Variants in SDK1 observed in about 807,000 individuals in gnomAD.
SDK1 encodes the protein sidekick cell adhesion molecule 1, also known as protein sidekick-1.
SDK1 carries 157 observed loss-of-function variants against 245.5 expected under a neutral mutation model. The observed-to-expected ratio is 0.64, with a 90% confidence interval of 0.56 to 0.73. The LOEUF is 0.73. SDK1 is among the 30% of genes least tolerant of loss of function. The probability of loss-of-function intolerance (pLI) is 0.00; values close to 1 mark genes in which losing one functional copy is unlikely to be tolerated. For synonymous variants in SDK1, 1,647 were observed against 1,278.5 expected (o/e 1.29, Z -6.15); for missense variants, 3,583 against 3,002.3 (o/e 1.19, Z -4.52).
chr7:4,034,619 G>C (rs761192501), intron 17 of SDK1, among the ~76,000 whole-genome samples: 1 of 152,182 alleles, frequency 6.6e-6, no homozygotes, highest in Non-Finnish European at 1.5e-5. Context: ...GGACAAGTTA[G>C]CAGTAACTAA....
intron 4 of SDK1, among the ~76,000 whole-genome samples, chr7:3,802,897 G>C (rs998107888): frequency 2.0e-5 from 3 of 152,134 alleles, no homozygotes; most frequent in African/African-American, 7.2e-5. Context: ...TTCATCCCAA[G>C]GTTTTGGTTG....
intron 1 of SDK1, among the ~76,000 whole-genome samples, chr7:3,549,625 C>T (rs11762705): frequency 0.023 from 3,521 of 152,256 alleles, 77 homozygotes; most frequent in Non-Finnish European, 0.036. Flanking sequence ...CAGGGCAGAG[C>T]ATGTTTTGTT....
intron 1 of SDK1, among the ~76,000 whole-genome samples, chr7:3,427,583 A>C (rs556363909): frequency 6.6e-6 from 1 of 152,046 alleles, no homozygotes; most frequent in South Asian, 2.1e-4. Context: ...AGTAGTTTGA[A>C]CAGTGCTTGT....
intron 1 of SDK1, among the ~76,000 whole-genome samples, chr7:3,411,546 A>G (rs1379290798): frequency 1.3e-5 from 2 of 152,150 alleles, no homozygotes; most frequent in African/African-American, 4.8e-5. Context: ...TGTCAGCTTA[A>G]TTAGAGATCA....
chr7:3,594,145 C>G (rs1468427500), intron 1 of SDK1, among the ~76,000 whole-genome samples: 1 of 152,170 alleles, frequency 6.6e-6, no homozygotes, highest in African/African-American at 2.4e-5. Flanking sequence ...CCCAGGTAAT[C>G]ACTCACCTAC....
chr7:4,086,729 T>C, intron 22 of SDK1, among the ~76,000 whole-genome samples: 1 of 152,288 alleles, frequency 6.6e-6, no homozygotes, highest in Admixed American at 6.5e-5. Flanking sequence ...TGTAAGGTTC[T>C]TACCCTTAAT....
Position 4,193,907 on chromosome 7 carries a change from AGAGTCCCT to A in SDK1, c.5099-11971_5099-11964del, listed in dbSNP as rs1279529050. 2.0e-5 allele frequency among the ~76,000 whole-genome samples: 3 copies of A among 152,198 alleles called. No homozygotes were observed. The East Asian group carries it at 5.8e-4, about 29-fold the overall frequency. Reference sequence around the variant, plus strand: ...ACACATGGTCAGAGGTATTATGTATAGAGTCCCTAAACTCCTTGCCTCTCACGAGCGGT... The same window carrying A: ...ACACATGGTCAGAGGTATTATGTATAAAACTCCTTGCCTCTCACGAGCGGT... On this transcript the variant is annotated intron_variant, in intron 35 of 44. Coordinates refer to ENST00000404826, the MANE Select transcript of SDK1 (RefSeq NM_152744.4).
Position 3,607,198 on chromosome 7 carries a change from C to A in SDK1, c.299-11882C>A, listed in dbSNP as rs201058513. ...ATTGTAATTTGTTGTGCTGCTGCTGCTGATCATTTCCTTTTATTTTAAGGC... is the reference window on the plus strand; with the variant it reads ...ATTGTAATTTGTTGTGCTGCTGCTGATGATCATTTCCTTTTATTTTAAGGC... On this transcript the variant is annotated intron_variant, in intron 1 of 44. Coordinates refer to ENST00000404826, the MANE Select transcript of SDK1 (RefSeq NM_152744.4). 9.9e-5 allele frequency among the ~76,000 whole-genome samples: 15 copies of A among 151,902 alleles called. No homozygotes were observed. The South Asian group carries it at 1.5e-3, about 15-fold the overall frequency.
At chr7:3,917,659 T>G (rs1472963449) in intron 5 of SDK1, among the ~76,000 whole-genome samples, 1 of 152,168 alleles carries the variant, frequency 6.6e-6, no homozygotes, top group Non-Finnish European at 1.5e-5. Context: ...TAGAGGAACG[T>G]CTATGGGACC....
Position 4,030,942 on chromosome 7 carries a change from C to A in SDK1, c.2602+13590C>A, listed in dbSNP as rs145666993. On this transcript the variant is annotated intron_variant, in intron 17 of 44. Transcript: ENST00000404826. The stretch of plus-strand genomic sequence containing the variant: ...ATGAGCTCCATTAAGGCAGAGACAT[C>A]GAACTTAGATTTGTTACATAAACAC... Among the ~76,000 whole-genome samples the A allele has an allele frequency of 2.9e-4, 44 of 152,246 alleles. 1 individual carries two copies. Among genetic ancestry groups the A allele is most frequent in the Middle Eastern group, 3.4e-3 (1 of 294 alleles).
At chr7:3,591,221 G>A (rs1780863069) in intron 1 of SDK1, among the ~76,000 whole-genome samples, 2 of 152,262 alleles carry the variant, frequency 1.3e-5, no homozygotes, top group South Asian at 4.1e-4. Flanking sequence ...TGTGTCAGAT[G>A]GCAGTTAGTA....
chr7:3,643,690 A>C (rs1471126624), intron 4 of SDK1: 1 of 141,192 alleles, frequency 7.1e-6, no homozygotes, highest in African/African-American at 2.7e-5. Context: ...CCCTTCCCTA[A>C]ACCTCATGAT....
intron 5 of SDK1, among the ~76,000 whole-genome samples, chr7:3,946,744 TGTTACC>T (rs1385375816): frequency 1.3e-5 from 2 of 152,088 alleles, no homozygotes; most frequent in African/African-American, 4.8e-5. Context: ...GAACGGCAGG[TGTTACC>T]CAAGAATGCA....
At chr7:3,674,422 T>C (rs1000073772) in intron 4 of SDK1, among the ~76,000 whole-genome samples, 3 of 152,064 alleles carry the variant, frequency 2.0e-5, no homozygotes, top group Non-Finnish European at 4.4e-5. Flanking sequence ...AGCCTTCCTG[T>C]TGAGCAAGAA....
At chr7:3,817,045 C>A (rs934187835) in intron 4 of SDK1, among the ~76,000 whole-genome samples, 1 of 152,108 alleles carries the variant, frequency 6.6e-6, no homozygotes, top group Non-Finnish European at 1.5e-5. Flanking sequence ...AAACATTTTA[C>A]TGAATTTTCA....
intron 4 of SDK1, among the ~76,000 whole-genome samples, chr7:3,727,176 T>C (rs1174624348): frequency 6.6e-6 from 1 of 152,212 alleles, no homozygotes; most frequent in Non-Finnish European, 1.5e-5. Flanking sequence ...TAAATAGGTG[T>C]TGGCAAAAGT....
intron 40 of SDK1, among the ~76,000 whole-genome samples, chr7:4,231,050 A>G (rs647910): frequency 0.62 from 94,500 of 151,924 alleles, 30,371 homozygotes; most frequent in African/African-American, 0.74. Flanking sequence ...AGGAGGCCTG[A>G]ACAGAGTAAA....
chr7:3,948,251 CTTTTT>C (rs34746302), intron 5 of SDK1, among the ~76,000 whole-genome samples: 1 of 79,668 alleles, frequency 1.3e-5, no homozygotes, highest in East Asian at 4.1e-4. Flanking sequence ...ATCACCATTG[CTTTTT>C]TTTTTTTTTT....
chr7:3,536,236 G>T (rs2341027), intron 1 of SDK1, among the ~76,000 whole-genome samples: 43,553 of 148,920 alleles, frequency 0.29, 6,470 homozygotes, highest in Admixed American at 0.34. Flanking sequence ...TTTTTTTTGT[G>T]TGTGTGTTTT....
Sources: allele counts gnomAD v4.1 joint callset (sites outside exome capture counted in the v4.1 genomes callset), GRCh38; gene constraint gnomAD v4.1.1; transcripts MANE v1.5; gene names NCBI Gene and HGNC (gene_info 2026-07-23, HGNC 2026-07-21).